Variants in ANO9 observed in about 807,000 individuals in gnomAD.
The protein encoded by ANO9 is anoctamin-9.
Under a neutral mutation model 100.5 loss-of-function variants are expected in ANO9, and 80 were observed. That is an observed-to-expected ratio of 0.80 (90% CI 0.66 to 0.96). The LOEUF (loss-of-function observed/expected upper bound fraction) is 0.96. ANO9 is among the 40% of genes least tolerant of loss of function. The probability of loss-of-function intolerance (pLI) is 0.00; values close to 1 mark genes in which losing one functional copy is unlikely to be tolerated. For synonymous variants in ANO9, 473 were observed against 435.6 expected, an observed-to-expected ratio of 1.09 and a Z score of -1.07; for missense variants, 1,064 against 1,072.7, an observed-to-expected ratio of 0.99 and a Z score of 0.11.
intron 19 of ANO9, chr11:420,231 G>A: frequency 4.2e-6 from 6 of 1,419,926 alleles, no homozygotes; most frequent in Non-Finnish European, 5.5e-6. Context: ...AAGCCCCTCT[G>A]AGATCCTGAC....
intron 9 of ANO9, 102 bp downstream of exon 9, chr11:429,981 T>G (rs1328202732): frequency 2.1e-6 from 3 of 1,414,790 alleles, no homozygotes. Context: ...TGGGGAAAGC[T>G]GAGCAGCTCT....
rs1848737657 is a variant in ANO9, at chr11:429,341, G to A, written c.915+229C>T. On this transcript the variant is annotated intron_variant, in intron 11 of 22. Transcript: ENST00000332826. ...CCACACGTGGGGAGACAGACACAGC[G>A]ACACGCCTCACGGGTGGACAGACAC... 15 of 1,024,590 alleles carry A rather than the reference G, an allele frequency of 1.5e-5. No individual in the cohort carries two copies. The East Asian group carries it at 2.9e-4, about 20-fold the overall frequency. The allele number at this position is 1,024,590 out of a possible 1,614,324, so 63.5% of individuals were successfully genotyped here.
intron 17 of ANO9, 28 bp from the exon 18 acceptor site, chr11:420,888 G>A: frequency 6.3e-7 from 1 of 1,589,604 alleles, no homozygotes. Context: ...TGGCAGGGAG[G>A]GCGCAGGGGG....
intron 19 of ANO9, chr11:420,092 T>G (rs1373682277): frequency 1.5e-6 from 2 of 1,310,512 alleles, no homozygotes; most frequent in East Asian, 6.8e-5. Context: ...TTTCCCCACA[T>G]CCAGCGCCCC....
intron 1 of ANO9, among the ~76,000 whole-genome samples, chr11:435,924 G>C (rs1310222230): frequency 6.6e-6 from 1 of 150,734 alleles, no homozygotes; most frequent in Non-Finnish European, 1.5e-5. Context: ...GTCTAGTCTA[G>C]TCTAGTATAG....
At position 433,369 on chromosome 11, in the gene ANO9, CCTCA is replaced by C; in HGVS notation, c.291_294del (p.Glu98GlyfsTer25). 6.2e-7 allele frequency: 1 copy of C among 1,613,086 alleles called. No homozygotes were observed. The highest frequency in any genetic ancestry group is 8.5e-7 in the Non-Finnish European group (1 of 1,179,868). On this transcript the variant is annotated frameshift_variant, in exon 4 of 23. Transcript: ENST00000332826. LOFTEE classifies it high-confidence loss of function. ...GCCAGCTCGGCGTGGGGGGCAGGCC[CCTCA>C]GGCTCCAGGAGGAGAGTGCGGTACA...
chr11:435,261 A>ATAGTC (rs59912016), intron 1 of ANO9, among the ~76,000 whole-genome samples: 83,482 of 150,230 alleles, frequency 0.56, 23,561 homozygotes, highest in East Asian at 0.77. Context: ...CTAGTATGGT[A>ATAGTC]TAGTCTAGTC....
intron 11 of ANO9, 157 bp downstream of exon 11, chr11:429,413 C>T (rs1243743516): frequency 4.7e-5 from 69 of 1,464,100 alleles, no homozygotes; most frequent in Non-Finnish European, 6.2e-5. Context: ...GGACACGCCT[C>T]ACAGGTGGAC....
Position 428,591 on chromosome 11 carries a change from G to A in ANO9, c.1069C>T (p.Leu357=). 3.7e-6 allele frequency: 6 copies of A among 1,612,598 alleles called. No homozygotes were observed. The highest frequency in any genetic ancestry group is 5.1e-6 in the Non-Finnish European group (6 of 1,179,874). Residue 357 remains leucine, a synonymous_variant, in exon 13 of 23, where the codon CTG becomes TTG. Transcript: ENST00000332826. ...GAGCTGCTGAAGAGCGCGGAGGCCA[G>A]GACGCGGTAGACCACCAGGACGTGG... ...MAHVLVVYRV[L]ASALFSSSAV...
At chr11:428,687 G>A (rs757832229) in intron 12 of ANO9, 35 bp downstream of exon 12, 38 of 1,612,278 alleles carry the variant, frequency 2.4e-5, no homozygotes, top group Middle Eastern at 1.6e-4. Context: ...CATGCAGCCC[G>A]GGTCTCCAGC....
chr11:431,812 AC>A, intron 6 of ANO9, 35 bp downstream of exon 6: 10 of 1,611,598 alleles, frequency 6.2e-6, no homozygotes, highest in Non-Finnish European at 8.5e-6. Context: ...CCAGGGTCCC[AC>A]CCCAGGGCCC....
In ANO9 at chr11:418,490, G is replaced by T. The variant is rs371258677; in HGVS notation, c.2230C>A (p.Arg744Ser). Residue 744 changes from arginine to serine, a missense_variant, in exon 23 of 23, where the codon CGT becomes AGT. Transcript: ENST00000332826. Reference sequence around the variant, plus strand: ...TGCCTTCCATGCCACATCTTCTCACGCAGCCTCTGGTACTTCACCTCCAGA... The same window carrying T: ...TGCCTTCCATGCCACATCTTCTCACTCAGCCTCTGGTACTTCACCTCCAGA... ...KVLEVKYQRLREKMWHGRQRL... is the reference protein window; with the variant it reads ...KVLEVKYQRLSEKMWHGRQRL... 5 of 1,613,128 alleles carry T rather than the reference G, an allele frequency of 3.1e-6. No homozygotes were observed. Among genetic ancestry groups the T allele is most frequent in the South Asian group, 1.1e-5 (1 of 91,082 alleles).
chr11:440,449 C>G (rs1181457535), intron 1 of ANO9: 1 of 152,366 alleles, frequency 6.6e-6, no homozygotes, highest in Non-Finnish European at 1.5e-5. Context: ...AGCAAGTCCT[C>G]CCCATGTCTG....
intron 1 of ANO9, 30 bp downstream of exon 1, chr11:441,891 G>A (rs1422877382): frequency 5.0e-6 from 8 of 1,604,522 alleles, no homozygotes; most frequent in African/African-American, 1.3e-5. Context: ...GGGCCTTGAA[G>A]GTGTGGACCC....
At chr11:433,983 C>T (rs1431123895) in intron 2 of ANO9, 41 bp downstream of exon 2, 8 of 1,551,908 alleles carry the variant, frequency 5.2e-6, no homozygotes, top group East Asian at 2.4e-5. Flanking sequence ...AGGGGCAGAG[C>T]AGGGCCAGGT....
At chr11:437,925 C>T (rs1845492126) in intron 1 of ANO9, among the ~76,000 whole-genome samples, 4 of 152,156 alleles carry the variant, frequency 2.6e-5, no homozygotes, top group African/African-American at 7.2e-5. Flanking sequence ...AGTTGAAAGC[C>T]GGCAGGATAA....
chr11:418,283 C>T lies in ANO9; in HGVS notation c.*88G>A, dbSNP rs1847961146. On this transcript the variant is annotated 3_prime_UTR_variant, in exon 23 of 23. Coordinates refer to ENST00000332826, the MANE Select transcript of ANO9 (RefSeq NM_001012302.3). ...ACATGGGCACAGCCTTCTCACAGCA[C>T]CCCTCAACACGCACAGCGGTGGGCT... is the stretch of plus-strand genomic sequence containing the variant. The T allele has an allele frequency of 7.6e-6, 10 of 1,316,570 alleles. No individual in the cohort carries two copies. The highest frequency in any genetic ancestry group is 1.0e-5 in the Non-Finnish European group (10 of 976,316). The allele number at this position is 1,316,570 out of a possible 1,614,324, so 81.6% of individuals were successfully genotyped here. A position where few individuals can be genotyped will look rare whatever the true frequency, so the allele number is the denominator to read the frequency against.
chr11:434,232 G>T, intron 1 of ANO9, 134 bp from the exon 2 acceptor site: 2 of 1,080,164 alleles, frequency 1.9e-6, no homozygotes, highest in South Asian at 1.6e-5. Context: ...AAAGAGTCCC[G>T]AGGAGATGGC....
chr11:437,554 G>A (rs909963699), intron 1 of ANO9, among the ~76,000 whole-genome samples: 9 of 152,238 alleles, frequency 5.9e-5, no homozygotes, highest in Admixed American at 1.3e-4. Flanking sequence ...GCACTCAGGC[G>A]TGGCCTGCCA....
Sources: gnomAD v4.1 joint callset for allele counts (sites outside exome capture counted in the v4.1 genomes callset) on GRCh38, gnomAD v4.1.1 for gene constraint, MANE v1.5 for transcripts, NCBI Gene and HGNC (gene_info 2026-07-23, HGNC 2026-07-21) for gene names.